Variants in SLC35F3 observed in about 807,000 individuals in gnomAD.
SLC35F3 encodes the protein solute carrier family 35 member F3, also known as putative thiamine transporter SLC35F3.
A neutral mutation model predicts 49.9 loss-of-function variants in SLC35F3; 25 were observed. The observed-to-expected ratio is 0.50, with a 90% confidence interval of 0.37 to 0.70. SLC35F3 has a LOEUF of 0.70. Among genes scored for constraint, SLC35F3 ranks in the 30% least tolerant of loss-of-function variants. The pLI, the probability that SLC35F3 is intolerant of heterozygous loss-of-function variation, is 0.00. For missense variants in SLC35F3, 525 were observed against 639.8 expected, an observed-to-expected ratio of 0.82 and a Z score of 1.94; for synonymous variants, 275 against 265.4, an observed-to-expected ratio of 1.04 and a Z score of -0.35.
At chr1:234,128,471 T>C (rs1342583217) in intron 2 of SLC35F3, among the ~76,000 whole-genome samples, 1 of 152,070 alleles carries the variant, frequency 6.6e-6, no homozygotes, top group Non-Finnish European at 1.5e-5. Flanking sequence ...AAAGTTAGCA[T>C]CTTGGACGGT....
In SLC35F3 at chr1:234,214,712, C is replaced by G. The variant is rs1025171070; in HGVS notation, c.284-16705C>G. 4.3e-6 allele frequency: 5 copies of G among 1,158,972 alleles called. No individual in the cohort carries two copies. The highest frequency in any genetic ancestry group is 5.7e-6 in the Non-Finnish European group (5 of 873,968). 71.8% of individuals were successfully genotyped at this position (1,158,972 alleles called of 1,614,324 possible). A position where few individuals can be genotyped will look rare whatever the true frequency, so the allele number is the denominator to read the frequency against. On this transcript the variant is annotated intron_variant, in intron 2 of 7. Coordinates refer to ENST00000366618, the MANE Select transcript of SLC35F3 (RefSeq NM_173508.4). This position sits in a 1 kb window ranked among gnomAD's most constrained non-coding sequence, Gnocchi z 8.0. ...CAGGACGCGGCTCCGCAGTGCAGAG[C>G]GCCGCCGCCTGCGTGGGGGGATCTG...
chr1:234,134,501 T>C (rs984268072), intron 2 of SLC35F3, among the ~76,000 whole-genome samples: 3 of 149,178 alleles, frequency 2.0e-5, no homozygotes, highest in Admixed American at 1.3e-4. Flanking sequence ...TTGTATATTA[T>C]ATATAATTTT....
At chr1:233,962,004 G>A (rs1418726499) in intron 2 of SLC35F3, among the ~76,000 whole-genome samples, 4 of 139,686 alleles carry the variant, frequency 2.9e-5, no homozygotes, top group Non-Finnish European at 4.6e-5. Flanking sequence ...GATCATTCTT[G>A]AATTATCATG....
At chr1:233,941,972 T>G (rs1287315417) in intron 2 of SLC35F3, among the ~76,000 whole-genome samples, 74 of 149,774 alleles carry the variant, frequency 4.9e-4, no homozygotes, top group Admixed American at 4.0e-4. Flanking sequence ...GTTTTTTTTT[T>G]TTTTTTTTAG....
chr1:234,191,578 G>T (rs1178260729), intron 2 of SLC35F3, among the ~76,000 whole-genome samples: 1 of 151,704 alleles, frequency 6.6e-6, no homozygotes, highest in Non-Finnish European at 1.5e-5. Flanking sequence ...CCCAGCAGAA[G>T]AAGAGAAATA....
chr1:234,022,175 C>G (rs1214119408), intron 2 of SLC35F3, among the ~76,000 whole-genome samples: 1 of 152,152 alleles, frequency 6.6e-6, no homozygotes, highest in African/African-American at 2.4e-5. Context: ...TTCCCCTGAA[C>G]CGTTGAGTTG....
chr1:233,983,151 C>G (rs1443398194), intron 2 of SLC35F3, among the ~76,000 whole-genome samples: 1 of 152,116 alleles, frequency 6.6e-6, no homozygotes, highest in Admixed American at 6.5e-5. Flanking sequence ...TTGTATTCAT[C>G]TTTGAGATCA....
intron 3 of SLC35F3, among the ~76,000 whole-genome samples, chr1:234,253,454 A>AT (rs959689818): frequency 7.9e-4 from 12 of 15,234 alleles, no homozygotes; most frequent in Middle Eastern, 0.029. Context: ...AACCATTTGA[A>AT]TTTAAAAAAA....
chr1:234,169,969 G>T (rs566700644), intron 2 of SLC35F3, among the ~76,000 whole-genome samples: 123 of 152,172 alleles, frequency 8.1e-4, no homozygotes, highest in Non-Finnish European at 1.6e-3. Flanking sequence ...GGGTTTCACC[G>T]TGTTAGCCAG....
chr1:234,212,861 T>C (rs1053376202), intron 2 of SLC35F3: 9 of 152,238 alleles, frequency 5.9e-5, no homozygotes, highest in Non-Finnish European at 1.3e-4. Context: ...TATTGGCTTA[T>C]TGTAGTGTCA....
intron 2 of SLC35F3, among the ~76,000 whole-genome samples, chr1:234,217,374 C>A (rs909668368): frequency 6.6e-6 from 1 of 152,236 alleles, no homozygotes; most frequent in Non-Finnish European, 1.5e-5. Flanking sequence ...CAAAAAGGAA[C>A]AATTCTAGCT....
chr1:234,159,657 A>G (rs1666199150), intron 2 of SLC35F3, among the ~76,000 whole-genome samples: 1 of 152,222 alleles, frequency 6.6e-6, no homozygotes, highest in African/African-American at 2.4e-5. Context: ...TGGAGCCATC[A>G]ATGTCTCACC....
chr1:233,933,035 T>TAAAAAAAAA (rs59669736), intron 2 of SLC35F3, among the ~76,000 whole-genome samples: 4 of 134,936 alleles, frequency 3.0e-5, no homozygotes, highest in Admixed American at 7.3e-5. Context: ...GCTATTTAAG[T>TAAAAAAAAA]AAAAAAAAAA....
intron 2 of SLC35F3, among the ~76,000 whole-genome samples, chr1:233,913,399 A>T (rs551594041): frequency 2.6e-5 from 4 of 152,308 alleles, no homozygotes; most frequent in Admixed American, 2.6e-4. Context: ...TTTACTGATT[A>T]CAGGAGGTGC....
intron 3 of SLC35F3, among the ~76,000 whole-genome samples, chr1:234,261,124 G>A (rs1248970146): frequency 2.6e-5 from 4 of 152,246 alleles, no homozygotes; most frequent in Middle Eastern, 3.4e-3. Flanking sequence ...GCTACCTCCC[G>A]AGAAAGTGTT....
intron 3 of SLC35F3, among the ~76,000 whole-genome samples, chr1:234,302,103 CAT>C: frequency 6.6e-6 from 1 of 151,852 alleles, no homozygotes; most frequent in Non-Finnish European, 1.5e-5. Context: ...ACCACCATGG[CAT>C]GCATGTACCT....
chr1:234,283,137 C>T (rs567122867), intron 3 of SLC35F3, among the ~76,000 whole-genome samples: 2 of 152,318 alleles, frequency 1.3e-5, no homozygotes, highest in Non-Finnish European at 2.9e-5. Context: ...CCACCTCCAT[C>T]TCCATTTGGG....
At chr1:234,223,571 G>A (rs1174488312) in intron 2 of SLC35F3, among the ~76,000 whole-genome samples, 1 of 152,146 alleles carries the variant, frequency 6.6e-6, no homozygotes, top group African/African-American at 2.4e-5. Flanking sequence ...TTCACAGGAG[G>A]CAAACAAATA....
At chr1:233,965,535 C>T (rs1209908880) in intron 2 of SLC35F3, among the ~76,000 whole-genome samples, 3 of 152,178 alleles carry the variant, frequency 2.0e-5, no homozygotes, top group Non-Finnish European at 4.4e-5. Flanking sequence ...AGTAAGCAGG[C>T]ATTTTGAGGA....
Sources: gnomAD v4.1 joint callset for allele counts (sites outside exome capture counted in the v4.1 genomes callset) on GRCh38, gnomAD v4.1.1 for gene constraint, Gnocchi (gnomAD v3.1) non-coding constraint, MANE v1.5 for transcripts, NCBI Gene and HGNC (gene_info 2026-07-23, HGNC 2026-07-21) for gene names.